Variants in DNAH6 observed in about 807,000 individuals in gnomAD.
The protein encoded by DNAH6 is axonemal beta dynein heavy chain 6.
A neutral mutation model predicts 491.4 loss-of-function variants in DNAH6; 340 were observed. That is an observed-to-expected ratio of 0.69 (90% CI 0.63 to 0.76). The LOEUF (loss-of-function observed/expected upper bound fraction) is 0.76. DNAH6 is among the 30% of genes least tolerant of loss of function. The pLI, the probability that DNAH6 is intolerant of heterozygous loss-of-function variation, is 0.00. For missense variants in DNAH6, 4,443 were observed against 4,972.2 expected (o/e 0.89, Z 3.20); for synonymous variants, 1,603 against 1,686.1 (o/e 0.95, Z 1.21).
chr2:84,808,538 T>C lies in DNAH6; in HGVS notation c.11735T>C (p.Ile3912Thr). ...VDRFNNLLKL[I>T]HTSLETLNKA... Reference sequence around the variant, plus strand: ...CGGTTTAACAACCTGCTGAAGTTAATTCATGTATGAGAGCTTACTTTCATC... The same window carrying C: ...CGGTTTAACAACCTGCTGAAGTTAACTCATGTATGAGAGCTTACTTTCATC... The change falls in exon 72 of 77, where the codon ATT becomes ACT. Residue 3912 changes from isoleucine (I) to threonine (T), a missense_variant. By Grantham distance (89) the Ile-to-Thr change is moderately conservative. Coordinates refer to ENST00000389394, the MANE Select transcript of DNAH6 (RefSeq NM_001370.2). The C allele has an allele frequency of 6.4e-7, 1 of 1,551,720 alleles. No individual in the cohort carries two copies. The highest frequency in any genetic ancestry group is 8.7e-7 in the Non-Finnish European group (1 of 1,146,952).
chr2:84,606,827 G>A (rs1685816747), intron 20 of DNAH6, 149 bp from the exon 21 acceptor site: 4 of 752,548 alleles, frequency 5.3e-6, no homozygotes, highest in Non-Finnish European at 8.1e-6. Context: ...ATAATGAAGG[G>A]AAATTGATGA....
At chr2:84,593,560 G>T (rs956527909) in intron 16 of DNAH6, among the ~76,000 whole-genome samples, 2 of 152,052 alleles carry the variant, frequency 1.3e-5, no homozygotes, top group African/African-American at 4.8e-5. Context: ...ACCAGCTACC[G>T]CACAGTCATC....
chr2:84,775,739 G>C (rs574104391), intron 64 of DNAH6, among the ~76,000 whole-genome samples: 10 of 152,192 alleles, frequency 6.6e-5, no homozygotes, highest in African/African-American at 2.4e-4. Context: ...TCTTGGGAGT[G>C]TCTTGGGTGT....
Position 84,808,552 on chromosome 2 carries a change from C to G in DNAH6, c.11739+10C>G, listed in dbSNP as rs748798602. On this transcript the variant is annotated intron_variant, in intron 72 of 76. Transcript: ENST00000389394. ...GCTGAAGTTAATTCATGTATGAGAGCTTACTTTCATCATTGCTATTGAGCA... is the reference window on the plus strand; with the variant it reads ...GCTGAAGTTAATTCATGTATGAGAGGTTACTTTCATCATTGCTATTGAGCA... 38 of 1,550,964 alleles carry G rather than the reference C, an allele frequency of 2.5e-5. No homozygotes were observed. Among genetic ancestry groups the G allele is most frequent in the Non-Finnish European group, 3.2e-5 (37 of 1,146,490 alleles).
the DNAH6 span, among the ~76,000 whole-genome samples, chr2:84,466,644 C>G: frequency 6.6e-6 from 1 of 152,224 alleles, no homozygotes; most frequent in Admixed American, 6.5e-5. Flanking sequence ...CATTATAGCT[C>G]TCTATGAGAG....
chr2:84,643,913 A>T (rs1007267421), intron 33 of DNAH6, among the ~76,000 whole-genome samples: 10 of 148,238 alleles, frequency 6.7e-5, no homozygotes, highest in South Asian at 2.1e-4. Flanking sequence ...TTTTTGTTTT[A>T]TTTTGTTTGT....
chr2:84,572,401 G>A (rs1681986436), intron 11 of DNAH6, among the ~76,000 whole-genome samples: 1 of 152,062 alleles, frequency 6.6e-6, no homozygotes, highest in African/African-American at 2.4e-5. Flanking sequence ...AACATCGGTG[G>A]GGCTTTCCAT....
In DNAH6 at chr2:84,642,008, G is replaced by T. The variant is rs1443086872; in HGVS notation, c.5032G>T (p.Asp1678Tyr). The T allele has an allele frequency of 2.6e-6, 4 of 1,550,890 alleles. No individual in the cohort carries two copies. The South Asian group carries it at 4.8e-5, about 18-fold the overall frequency. ...TGTGGTGTTGATAAGAGCTTTACAA[G>T]ACTCCAATTTGCCAAAATTTCTAAC... ...EDVVLIRALQ[D>Y]SNLPKFLTDD... The change falls in exon 33 of 77, where the codon GAC (aspartate) becomes TAC (tyrosine). Residue 1678 changes from aspartate to tyrosine, a missense_variant. By Grantham distance (160) the Asp-to-Tyr change is radical (BLOSUM62 -3). This residue lies in a region of DNAH6 where 2,977 missense variants were observed against 3,296.6 expected (regional missense o/e 0.90). Coordinates refer to ENST00000389394, the MANE Select transcript of DNAH6 (RefSeq NM_001370.2).
chr2:84,568,100 G>T (rs1454027761), intron 11 of DNAH6, among the ~76,000 whole-genome samples: 1 of 152,182 alleles, frequency 6.6e-6, no homozygotes, highest in African/African-American at 2.4e-5. Context: ...TGAGGCTGTG[G>T]AGGAATAGGA....
chr2:84,740,301 G>T (rs149984426), intron 62 of DNAH6, among the ~76,000 whole-genome samples: 26 of 152,136 alleles, frequency 1.7e-4, no homozygotes. Context: ...ACAAGCAGGG[G>T]TGGAAGCACT....
chr2:84,754,444 G>A (rs1192351), intron 63 of DNAH6, among the ~76,000 whole-genome samples: 5,508 of 152,214 alleles, frequency 0.036, 149 homozygotes, highest in South Asian at 0.062. Flanking sequence ...GCCTCCCAAA[G>A]TGCTGGGATT....
At chr2:84,792,239 G>A (rs1677825381) in intron 68 of DNAH6, among the ~76,000 whole-genome samples, 2 of 152,248 alleles carry the variant, frequency 1.3e-5, no homozygotes, top group South Asian at 2.1e-4. Context: ...GAGGAAAATG[G>A]GGAGTTGTTG....
intron 4 of DNAH6, among the ~76,000 whole-genome samples, chr2:84,540,283 C>T (rs1388226456): frequency 6.6e-6 from 1 of 152,064 alleles, no homozygotes; most frequent in Admixed American, 6.5e-5. Flanking sequence ...AGAGAAGGAA[C>T]TAATGTGAAA....
chr2:84,550,206 A>T (rs1158185904), intron 9 of DNAH6, 149 bp downstream of exon 9: 18 of 646,552 alleles, frequency 2.8e-5, no homozygotes, highest in East Asian at 1.1e-4. Flanking sequence ...GACACCAGAG[A>T]CCAGTTTCAT....
chr2:84,546,800 C>T (rs149068487), intron 5 of DNAH6, among the ~76,000 whole-genome samples: 1 of 152,100 alleles, frequency 6.6e-6, no homozygotes, highest in African/African-American at 2.4e-5. Flanking sequence ...TTACGTTTAA[C>T]CTTTTGAGAA....
the DNAH6 span, among the ~76,000 whole-genome samples, chr2:84,466,721 A>T: frequency 6.6e-6 from 1 of 152,214 alleles, no homozygotes; most frequent in East Asian, 1.9e-4. Context: ...GCATTTAAGA[A>T]TACCAGTTAG....
chr2:84,782,580 C>G (rs1365997343), intron 65 of DNAH6, among the ~76,000 whole-genome samples: 6 of 152,164 alleles, frequency 3.9e-5, no homozygotes, highest in Non-Finnish European at 8.8e-5. Flanking sequence ...ACTTCCTGGC[C>G]CCCTGCCCTC....
At chr2:84,548,224 C>A in intron 7 of DNAH6, 64 bp from the exon 8 acceptor site, 1 of 1,442,978 alleles carries the variant, frequency 6.9e-7, no homozygotes, top group Non-Finnish European at 9.3e-7. Context: ...TTCTTTGAAT[C>A]ATATTGAAAG....
chr2:84,632,386 G>T (rs75837862), intron 29 of DNAH6, among the ~76,000 whole-genome samples: 26 of 152,298 alleles, frequency 1.7e-4, no homozygotes, highest in African/African-American at 6.3e-4. Flanking sequence ...ACAAACTGCA[G>T]AGCCAGGAGT....
Sources: gnomAD v4.1 joint callset for allele counts (sites outside exome capture counted in the v4.1 genomes callset) on GRCh38, gnomAD v4.1.1 for gene constraint, gnomAD v4.1.1 regional missense constraint, MANE v1.5 for transcripts, NCBI Gene and HGNC (gene_info 2026-07-23, HGNC 2026-07-21) for gene names.